The following SLC10A7 variants were observed in gnomAD, a reference collection of about 807,000 sequenced individuals.
The protein encoded by SLC10A7 is sodium/bile acid cotransporter 7.
A neutral mutation model predicts 43.2 loss-of-function variants in SLC10A7; 29 were observed. That is an observed-to-expected ratio of 0.67 (90% CI 0.50 to 0.92). SLC10A7 has a LOEUF of 0.92. Among genes scored for constraint, SLC10A7 ranks in the 40% least tolerant of loss-of-function variants. SLC10A7 has a pLI of 0.00. For missense variants in SLC10A7, 295 were observed against 403.2 expected (o/e 0.73, Z 2.30); for synonymous variants, 152 against 144.8 (o/e 1.05, Z -0.35).
At chr4:146,446,174 A>C (rs1171936581) in intron 4 of SLC10A7, among the ~76,000 whole-genome samples, 2 of 151,542 alleles carry the variant, frequency 1.3e-5, no homozygotes, top group Non-Finnish European at 2.9e-5. Context: ...ACACACGCAC[A>C]CACACCTTAG....
chr4:146,313,690 A>C (rs1390773165), intron 6 of SLC10A7, among the ~76,000 whole-genome samples: 1 of 152,180 alleles, frequency 6.6e-6, no homozygotes, highest in Non-Finnish European at 1.5e-5. Context: ...CAAAAGTTGA[A>C]GAATTTTCTA....
intron 7 of SLC10A7, among the ~76,000 whole-genome samples, chr4:146,295,492 C>G (rs1188909865): frequency 3.3e-5 from 5 of 152,066 alleles, no homozygotes; most frequent in Non-Finnish European, 5.9e-5. Context: ...GCATCCATTT[C>G]TTTCTTTAAA....
intron 4 of SLC10A7, among the ~76,000 whole-genome samples, chr4:146,451,646 G>T (rs1265074977): frequency 6.6e-6 from 1 of 152,108 alleles, no homozygotes; most frequent in African/African-American, 2.4e-5. Flanking sequence ...TACCTCAATA[G>T]ATGCAGAAAA....
chr4:146,487,511 C>T lies in SLC10A7; in HGVS notation c.396+16338G>A, dbSNP rs547784339. On this transcript the variant is annotated intron_variant, in intron 4 of 11. Transcript: ENST00000335472. ...CTCAGAAAAATGTCAAGCCATCCAA[C>T]TTTAATGAGGAGCCAATACAAGATC... is the stretch of plus-strand genomic sequence containing the variant. 2.7e-4 allele frequency among the ~76,000 whole-genome samples: 41 copies of T among 152,328 alleles called. 1 individual carries two copies. Among genetic ancestry groups the T allele is most frequent in the Admixed American group, 2.2e-3 (33 of 15,304 alleles).
At chr4:146,501,163 T>C (rs1041448547) in intron 4 of SLC10A7, among the ~76,000 whole-genome samples, 1 of 152,208 alleles carries the variant, frequency 6.6e-6, no homozygotes, top group African/African-American at 2.4e-5. Flanking sequence ...TCTCCCCAAA[T>C]AATCTCATCC....
At chr4:146,501,432 A>G (rs1209838117) in intron 4 of SLC10A7, among the ~76,000 whole-genome samples, 1 of 152,174 alleles carries the variant, frequency 6.6e-6, no homozygotes, top group Non-Finnish European at 1.5e-5. Context: ...AGGCCATATG[A>G]CTTATTCTGG....
chr4:146,433,952 C>G lies in SLC10A7; in HGVS notation c.435+8831G>C, dbSNP rs185182611. On this transcript the variant is annotated intron_variant, in intron 5 of 11. Coordinates refer to ENST00000335472, the MANE Select transcript of SLC10A7 (RefSeq NM_001029998.6). Reference sequence around the variant, plus strand: ...GCAGCATTTTACCCATTTACATTATCCTTAAAAGATAATGAAAAGGGGGAA... The same window carrying G: ...GCAGCATTTTACCCATTTACATTATGCTTAAAAGATAATGAAAAGGGGGAA... Among the ~76,000 whole-genome samples the G allele has an allele frequency of 2.6e-5, 4 of 152,118 alleles. No homozygotes were observed. In the East Asian group the frequency reaches 5.8e-4, roughly 22 times the overall value.
intron 4 of SLC10A7, among the ~76,000 whole-genome samples, chr4:146,465,585 A>G (rs1732950217): frequency 6.6e-6 from 1 of 152,104 alleles, no homozygotes; most frequent in Non-Finnish European, 1.5e-5. Flanking sequence ...GTTACTGTTT[A>G]TTTCCATTAA....
chr4:146,361,253 T>C (rs1736029689), intron 5 of SLC10A7, among the ~76,000 whole-genome samples: 1 of 152,224 alleles, frequency 6.6e-6, no homozygotes. Context: ...ACTCAACAAA[T>C]ATTACTTAAA....
rs145180606 is a variant in SLC10A7, at chr4:146,350,079, G to C, written c.436-24083C>G. ...CCCGTCTACAGCTCCCAGCGTGAGC[G>C]ACGCAGAAGACGGGTGATTTCTGCA... On this transcript the variant is annotated intron_variant, in intron 5 of 11. Coordinates refer to ENST00000335472, the MANE Select transcript of SLC10A7 (RefSeq NM_001029998.6). Among the ~76,000 whole-genome samples, 29 of 151,784 alleles carry C rather than the reference G, an allele frequency of 1.9e-4. No individual in the cohort carries two copies. In the South Asian group the frequency reaches 3.3e-3, roughly 18 times the overall value.
At chr4:146,447,474 T>C (rs1371086480) in intron 4 of SLC10A7, among the ~76,000 whole-genome samples, 1 of 152,152 alleles carries the variant, frequency 6.6e-6, no homozygotes, top group Admixed American at 6.5e-5. Flanking sequence ...CAAAACCCAT[T>C]CCTCCTCTAG....
intron 4 of SLC10A7, among the ~76,000 whole-genome samples, chr4:146,451,673 C>T (rs1020586754): frequency 5.3e-5 from 8 of 152,122 alleles, no homozygotes; most frequent in East Asian, 1.9e-4. Flanking sequence ...TCATAAAATT[C>T]GACATCTCTT....
At chr4:146,485,750 T>C (rs542342263) in intron 4 of SLC10A7, among the ~76,000 whole-genome samples, 5 of 152,188 alleles carry the variant, frequency 3.3e-5, no homozygotes, top group Admixed American at 2.6e-4. Context: ...ATGACAGTCA[T>C]AAGGATGATG....
chr4:146,443,452 C>A (rs1468618864), intron 4 of SLC10A7, among the ~76,000 whole-genome samples: 2 of 152,144 alleles, frequency 1.3e-5, no homozygotes, highest in African/African-American at 2.4e-5. Context: ...GAATACATAG[C>A]AGACGTAATA....
At chr4:146,410,754 A>G (rs1450781762) in intron 5 of SLC10A7, among the ~76,000 whole-genome samples, 1 of 152,160 alleles carries the variant, frequency 6.6e-6, no homozygotes, top group African/African-American at 2.4e-5. Flanking sequence ...AAATTTCAGT[A>G]GTTCCATAAC....
chr4:146,311,129 G>A (rs923850449), intron 6 of SLC10A7, among the ~76,000 whole-genome samples: 6 of 152,094 alleles, frequency 3.9e-5, no homozygotes, highest in African/African-American at 1.4e-4. Flanking sequence ...TAGGACATCA[G>A]GGCTTAATTC....
intron 4 of SLC10A7, among the ~76,000 whole-genome samples, chr4:146,474,746 T>C (rs1282866280): frequency 6.6e-6 from 1 of 152,128 alleles, no homozygotes; most frequent in Non-Finnish European, 1.5e-5. Context: ...TAAAGATAAA[T>C]GAAGAAAGTG....
At chr4:146,340,535 G>GGAGAGA (rs35059793) in intron 5 of SLC10A7, among the ~76,000 whole-genome samples, 11 of 141,830 alleles carry the variant, frequency 7.8e-5, no homozygotes, top group East Asian at 2.0e-4. Context: ...ATATATATAT[G>GGAGAGA]GAGAGAGAGA....
chr4:146,430,375 G>A (rs1729688354), intron 5 of SLC10A7, among the ~76,000 whole-genome samples: 1 of 152,168 alleles, frequency 6.6e-6, no homozygotes, highest in Non-Finnish European at 1.5e-5. Context: ...TGACAATGAA[G>A]AAGATAGGAT....
Sources: allele counts gnomAD v4.1 joint callset (sites outside exome capture counted in the v4.1 genomes callset), GRCh38; gene constraint gnomAD v4.1.1; transcripts MANE v1.5; gene names NCBI Gene and HGNC (gene_info 2026-07-23, HGNC 2026-07-21).